The following ATXN10 variants were observed in gnomAD, a reference collection of about 807,000 sequenced individuals.
The protein encoded by ATXN10 is ataxin-10.
ATXN10 carries 28 observed loss-of-function variants against 52.9 expected under a neutral mutation model. That is an observed-to-expected ratio of 0.53 (90% CI 0.39 to 0.73). The LOEUF (loss-of-function observed/expected upper bound fraction) is 0.73, where lower values mean the gene tolerates loss of function less well. ATXN10 is among the 30% of genes least tolerant of loss of function. The pLI, the probability that ATXN10 is intolerant of heterozygous loss-of-function variation, is 0.00. For synonymous variants in ATXN10, 226 were observed against 221.5 expected, an observed-to-expected ratio of 1.02 and a Z score of -0.18; for missense variants, 565 against 577.0, an observed-to-expected ratio of 0.98 and a Z score of 0.21.
rs1268863280 is a variant in ATXN10, at chr22:45,772,698, T to G, written c.1173+32160T>G. On this transcript the variant is annotated intron_variant, in intron 9 of 11. Transcript: ENST00000252934. This position sits in a 1 kb window ranked among gnomAD's most constrained non-coding sequence, Gnocchi z 4.1. Reference sequence around the variant, plus strand: ...TTCCAATCCGTGAACCAGGAATGTCTTTCTATTTAGATCTTCTCTGATGTC... The same window carrying G: ...TTCCAATCCGTGAACCAGGAATGTCGTTCTATTTAGATCTTCTCTGATGTC... 6.6e-6 allele frequency among the ~76,000 whole-genome samples: 1 copy of G among 152,248 alleles called. No homozygotes were observed. The highest frequency in any genetic ancestry group is 1.5e-5 in the Non-Finnish European group (1 of 68,046).
At chr22:45,777,996 C>T (rs1354814486) in intron 9 of ATXN10, among the ~76,000 whole-genome samples, 2 of 152,168 alleles carry the variant, frequency 1.3e-5, no homozygotes, top group East Asian at 3.9e-4. Context: ...TTTATTGGGA[C>T]ATAGTTGTGT....
chr22:45,796,178 T>TATGCAGTTGTAG, intron 9 of ATXN10, among the ~76,000 whole-genome samples: 1 of 152,296 alleles, frequency 6.6e-6, no homozygotes, highest in South Asian at 2.1e-4. Flanking sequence ...GTGTCTGTCT[T>TATGCAGTTGTAG]ATGCAGTTGT....
At position 45,833,870 on chromosome 22, in the gene ATXN10, C is replaced by T. The variant is rs956986117; in HGVS notation, c.1238-9121C>T. ...CACACTTAGCAGCGATACGGCATCG[C>T]GATCAGGGGAGCGGATGCCAGAGCC... On this transcript the variant is annotated intron_variant, in intron 10 of 11. Transcript: ENST00000252934. This position sits in a 1 kb window ranked among gnomAD's most constrained non-coding sequence, Gnocchi z 4.3. Among the ~76,000 whole-genome samples, 14 of 152,242 alleles carry T rather than the reference C, an allele frequency of 9.2e-5. No homozygotes were observed. Among genetic ancestry groups the T allele is most frequent in the African/African-American group, 3.4e-4 (14 of 41,546 alleles).
rs1395803620 is a variant in ATXN10 at position 45,690,069 on chromosome 22, T to A, written c.308+166T>A. Among the ~76,000 whole-genome samples the A allele has an allele frequency of 6.6e-6, 1 of 152,044 alleles. No homozygotes were observed. Among genetic ancestry groups the A allele is most frequent in the Non-Finnish European group, 1.5e-5 (1 of 68,012 alleles). On this transcript the variant is annotated intron_variant, in intron 2 of 11. Transcript: ENST00000252934. The surrounding 1 kb of genome is among the most constrained non-coding windows in gnomAD (Gnocchi z 4.5). Reference sequence around the variant, plus strand: ...AGGAGGATTGCTTGAGTCCAGGAGTTCAAGACCGGCCTGGGCAACATGGTG... The same window carrying A: ...AGGAGGATTGCTTGAGTCCAGGAGTACAAGACCGGCCTGGGCAACATGGTG...
At chr22:45,829,436 T>C (rs1411485265) in intron 10 of ATXN10, among the ~76,000 whole-genome samples, 1 of 152,160 alleles carries the variant, frequency 6.6e-6, no homozygotes, top group African/African-American at 2.4e-5. Context: ...GAAGTAAAAT[T>C]ATCTTTTCAC....
intron 9 of ATXN10, chr22:45,792,819 G>T: frequency 3.8e-6 from 2 of 529,924 alleles, no homozygotes; most frequent in South Asian, 2.9e-5. Context: ...TTTGAATAAT[G>T]AGGCCAAAAG....
At position 45,840,694 on chromosome 22, in the gene ATXN10, G is replaced by A. The variant is rs1226679975; in HGVS notation, c.1238-2297G>A. Among the ~76,000 whole-genome samples the A allele has an allele frequency of 1.3e-5, 2 of 152,158 alleles. No homozygotes were observed. The highest frequency in any genetic ancestry group is 2.1e-4 in the South Asian group (1 of 4,824). ...TCCTGCGTTTGCTGCTGGCAGTGAC[G>A]GTGCTGGCACCAGACTCTTCAGTTT... On this transcript the variant is annotated intron_variant, in intron 10 of 11. Transcript: ENST00000252934. This position sits in a 1 kb window ranked among gnomAD's most constrained non-coding sequence, Gnocchi z 5.8.
At chr22:45,788,175 C>A (rs969816598) in intron 9 of ATXN10, among the ~76,000 whole-genome samples, 8 of 152,056 alleles carry the variant, frequency 5.3e-5, no homozygotes, top group Non-Finnish European at 1.0e-4. Flanking sequence ...TGGGGCTCCA[C>A]ACTAGGGGAC....
chr22:45,773,528 G>A (rs889008840), intron 9 of ATXN10, among the ~76,000 whole-genome samples: 1 of 151,746 alleles, frequency 6.6e-6, no homozygotes, highest in Non-Finnish European at 1.5e-5. Flanking sequence ...GTGCAATCTC[G>A]GCTCACTGCA....
rs979469356 is a variant in ATXN10, at chr22:45,671,945, T to C, written c.-119T>C. ...AGCGGCGGCGGCGGTTAGGGCTGTG[T>C]AGGGCGAGGCCTCCCCCTTCCTCCT... On this transcript the variant is annotated 5_prime_UTR_variant, in exon 1 of 12. Transcript: ENST00000252934. 4 of 1,173,010 alleles carry C rather than the reference T, an allele frequency of 3.4e-6. No homozygotes were observed. Among genetic ancestry groups the C allele is most frequent in the Admixed American group, 4.4e-5 (2 of 45,820 alleles). The allele number at this position is 1,173,010 out of a possible 1,614,324, so 72.7% of individuals were successfully genotyped here. A position where few individuals can be genotyped will look rare whatever the true frequency, so the allele number is the denominator to read the frequency against.
chr22:45,793,165 T>TA (rs1927575223), intron 9 of ATXN10: 1 of 158,640 alleles, frequency 6.3e-6, no homozygotes, highest in Non-Finnish European at 1.4e-5. Context: ...TTTCTTATTT[T>TA]AAAAAATCTC....
chr22:45,843,341 T>A lies in ATXN10; in HGVS notation c.1425+163T>A, dbSNP rs575646331. ...AGCCCTAAAGATAGCTGCAAACGGT[T>A]TTTTTGTTCCGGCTTTATGCTGCCA... is the stretch of plus-strand genomic sequence containing the variant. On this transcript the variant is annotated intron_variant, in intron 11 of 11. Coordinates refer to ENST00000252934, the MANE Select transcript of ATXN10 (RefSeq NM_013236.4). The surrounding 1 kb of genome is among the most constrained non-coding windows in gnomAD (Gnocchi z 4.5). Among the ~76,000 whole-genome samples, 16 of 152,322 alleles carry A rather than the reference T, an allele frequency of 1.1e-4. No homozygotes were observed. Among genetic ancestry groups the A allele is most frequent in the Admixed American group, 1.0e-3 (16 of 15,296 alleles).
chr22:45,706,179 G>A (rs1246742184), intron 5 of ATXN10, among the ~76,000 whole-genome samples: 1 of 152,142 alleles, frequency 6.6e-6, no homozygotes, highest in Admixed American at 6.5e-5. Flanking sequence ...ACTGGTCTAG[G>A]CTGTCTAATT....
At chr22:45,782,206 G>A (rs1029220151) in intron 9 of ATXN10, among the ~76,000 whole-genome samples, 2 of 152,090 alleles carry the variant, frequency 1.3e-5, no homozygotes, top group African/African-American at 4.8e-5. Context: ...TTCATGACTC[G>A]GGCCTATTGG....
intron 4 of ATXN10, among the ~76,000 whole-genome samples, chr22:45,702,462 T>TTC (rs1168161570): frequency 3.3e-5 from 5 of 152,246 alleles, no homozygotes; most frequent in Non-Finnish European, 7.3e-5. Flanking sequence ...GCCTTTTGCC[T>TTC]TCTGAGTTCT....
rs757338229 is a variant in ATXN10 at position 45,681,463 on chromosome 22, T to C, written c.117-8249T>C. On this transcript the variant is annotated intron_variant, in intron 1 of 11. Coordinates refer to ENST00000252934, the MANE Select transcript of ATXN10 (RefSeq NM_013236.4). The surrounding 1 kb of genome is among the most constrained non-coding windows in gnomAD (Gnocchi z 4.2). Reference sequence around the variant, plus strand: ...CCCTATTTCCTATTTACTACCCCTTTTGTTTTTCATTCCCCTTCTTAATGT... The same window carrying C: ...CCCTATTTCCTATTTACTACCCCTTCTGTTTTTCATTCCCCTTCTTAATGT... Among the ~76,000 whole-genome samples, 14 of 152,210 alleles carry C rather than the reference T, an allele frequency of 9.2e-5. No homozygotes were observed. Among genetic ancestry groups the C allele is most frequent in the African/African-American group, 1.7e-4 (7 of 41,448 alleles).
rs190055406 is a variant in ATXN10, at chr22:45,765,719, C to T, written c.1173+25181C>T. On this transcript the variant is annotated intron_variant, in intron 9 of 11. Coordinates refer to ENST00000252934, the MANE Select transcript of ATXN10 (RefSeq NM_013236.4). ...AAATATTGGTTGTTCTCATGAAGAC[C>T]CTACTGAGATGGAAGCAGCCTACCT... Among the ~76,000 whole-genome samples the T allele has an allele frequency of 1.5e-3, 233 of 152,244 alleles. 1 individual carries two copies. Among genetic ancestry groups the T allele is most frequent in the African/African-American group, 5.4e-3 (223 of 41,544 alleles).
intron 6 of ATXN10, among the ~76,000 whole-genome samples, chr22:45,729,183 A>G (rs1924989297): frequency 1.3e-5 from 2 of 152,254 alleles, no homozygotes; most frequent in Non-Finnish European, 2.9e-5. Context: ...AAAGTAATGG[A>G]CATAAAAGGT....
rs113887836 is a variant in ATXN10 at position 45,837,299 on chromosome 22, G to T, written c.1238-5692G>T. Reference sequence around the variant, plus strand: ...TTTTGAGACAGAGTCTTGCTCTGTCGCCCAGGCTGCAGTGCAGTGGCGCAA... The same window carrying T: ...TTTTGAGACAGAGTCTTGCTCTGTCTCCCAGGCTGCAGTGCAGTGGCGCAA... On this transcript the variant is annotated intron_variant, in intron 10 of 11. Transcript: ENST00000252934. This position sits in a 1 kb window ranked among gnomAD's most constrained non-coding sequence, Gnocchi z 5.8. 0.014 allele frequency among the ~76,000 whole-genome samples: 2,098 copies of T among 152,100 alleles called. 30 individuals are homozygous for T. The highest frequency in any genetic ancestry group is 0.02 in the South Asian group (96 of 4,806).
Sources: allele counts gnomAD v4.1 joint callset (sites outside exome capture counted in the v4.1 genomes callset), GRCh38; gene constraint gnomAD v4.1.1; non-coding constraint Gnocchi (gnomAD v3.1); transcripts MANE v1.5; gene names NCBI Gene and HGNC (gene_info 2026-07-23, HGNC 2026-07-21).